CMYA5: variants seen among roughly 807,000 people sequenced by gnomAD.
CMYA5 encodes cardiomyopathy-associated protein 5.
A neutral mutation model predicts 318.9 loss-of-function variants in CMYA5; 246 were observed. That is an observed-to-expected ratio of 0.77 (90% CI 0.70 to 0.86). The LOEUF (loss-of-function observed/expected upper bound fraction) is 0.86. Among genes scored for constraint, CMYA5 ranks in the 40% least tolerant of loss-of-function variants. CMYA5 has a pLI of 0.00. For missense variants in CMYA5, 4,589 were observed against 4,678.2 expected, an observed-to-expected ratio of 0.98 and a Z score of 0.56; for synonymous variants, 1,641 against 1,729.5, an observed-to-expected ratio of 0.95 and a Z score of 1.27.
intron 11 of CMYA5, among the ~76,000 whole-genome samples, chr5:79,793,045 G>T (rs757406869): frequency 6.6e-6 from 1 of 152,176 alleles, no homozygotes; most frequent in African/African-American, 2.4e-5. Flanking sequence ...GCAAGTTTTG[G>T]AAGAAAACTA....
At position 79,799,459 on chromosome 5, in the gene CMYA5, A is replaced by G. The variant is rs1829331678; in HGVS notation, c.12053A>G (p.Gln4018Arg). ...RVGILLDYNN[Q>R]RLIFINAESE... Reference sequence around the variant, plus strand: ...GGCATCCTGCTGGACTACAACAACCAGAGACTTATCTTCATCAACGCAGAG... The same window carrying G: ...GGCATCCTGCTGGACTACAACAACCGGAGACTTATCTTCATCAACGCAGAG... The change falls in exon 13 of 13, where the codon CAG becomes CGG. Residue 4018 changes from glutamine to arginine, a missense_variant. By Grantham distance (43) the Gln-to-Arg change is conservative (BLOSUM62 1). Coordinates refer to ENST00000446378, the MANE Select transcript of CMYA5 (RefSeq NM_153610.5). The G allele has an allele frequency of 1.2e-6, 2 of 1,613,904 alleles. No homozygotes were observed. Among genetic ancestry groups the G allele is most frequent in the Admixed American group, 1.7e-5 (1 of 60,000 alleles).
In CMYA5 at chr5:79,730,192, C is replaced by T; in HGVS notation, c.1427C>T (p.Thr476Ile). 1.2e-6 allele frequency: 2 copies of T among 1,613,966 alleles called. No homozygotes were observed. The highest frequency in any genetic ancestry group is 1.7e-6 in the Non-Finnish European group (2 of 1,179,884). Residue 476 changes from threonine (T) to isoleucine (I), a missense_variant, in exon 2 of 13, where the codon ACC becomes ATC. Physicochemically the swap from Thr to Ile is moderately conservative, Grantham distance 89. Around this residue, in one of 3 missense-constraint regions of CMYA5, gnomAD observed 2,132 missense variants for 2,131.3 expected, o/e 1.00. Coordinates refer to ENST00000446378, the MANE Select transcript of CMYA5 (RefSeq NM_153610.5). ...AEPVSAKLTP[T>I]HPSVKGEKEE... is the part of the protein sequence containing the mutation. ...CCAGTCTCCGCAAAACTGACCCCTA[C>T]CCATCCCAGTGTCAAAGGAGAGAAG...
Position 79,731,262 on chromosome 5 carries a change from C to G in CMYA5, c.2497C>G (p.Leu833Val), listed in dbSNP as rs1827891494. 6.2e-7 allele frequency: 1 copy of G among 1,614,010 alleles called. No individual in the cohort carries two copies. Among genetic ancestry groups the G allele is most frequent in the Non-Finnish European group, 8.5e-7 (1 of 1,179,880 alleles). The change falls in exon 2 of 13, where the codon CTG becomes GTG. Residue 833 changes from leucine to valine, a missense_variant. Transcript: ENST00000446378. ...AAAAGGTATTTCTGAGCACACAGTT[C>G]TGTCAGTAGACGGCAAGGAGGTCAT... Reference protein sequence around the residue: ...KPKGISEHTVLSVDGKEVIGP... With the variant: ...KPKGISEHTVVSVDGKEVIGP...
intron 8 of CMYA5, chr5:79,762,854 G>T: frequency 1.8e-6 from 1 of 553,106 alleles, no homozygotes; most frequent in Non-Finnish European, 3.2e-6. Flanking sequence ...TTGGGGATGG[G>T]TGAGAACTGG....
At position 79,788,991 on chromosome 5, in the gene CMYA5, G is replaced by T. The variant is rs767348471; in HGVS notation, c.11576G>T (p.Gly3859Val). The change falls in exon 10 of 13, where the codon GGA becomes GTA. Residue 3859 changes from glycine to valine, a missense_variant. Around this residue, in one of 3 missense-constraint regions of CMYA5, gnomAD observed 2,431 missense variants for 2,495.1 expected, o/e 0.97. Transcript: ENST00000446378. Reference protein sequence around the residue: ...EGLRSFSGIKGLQLKVNLQPN... With the variant: ...EGLRSFSGIKVLQLKVNLQPN... ...TTTAGATCTTTCTCTGGAATCAAAGGACTCCAGCTGAAAGTTAACCTCCAA... is the reference window on the plus strand; with the variant it reads ...TTTAGATCTTTCTCTGGAATCAAAGTACTCCAGCTGAAAGTTAACCTCCAA... 5.6e-6 allele frequency: 9 copies of T among 1,613,450 alleles called. No individual in the cohort carries two copies. In the African/African-American group the frequency reaches 1.2e-4, roughly 22 times the overall value.
chr5:79,746,254 C>T (rs1480582195), intron 4 of CMYA5, among the ~76,000 whole-genome samples: 1 of 152,184 alleles, frequency 6.6e-6, no homozygotes, highest in Non-Finnish European at 1.5e-5. Flanking sequence ...TCCTCCTACC[C>T]TTTAGAAAAC....
In CMYA5 at chr5:79,731,804, C is replaced by T; in HGVS notation, c.3039C>T (p.Ile1013=). 1 of 1,612,912 alleles carries T rather than the reference C, an allele frequency of 6.2e-7. No homozygotes were observed. The highest frequency in any genetic ancestry group is 1.1e-5 in the South Asian group (1 of 90,760). The part of the protein sequence containing the change: ...ASQVSIPPFR[I]SETEKNELEP... ...AAGTTTCAATCCCTCCCTTTAGAAT[C>T]TCAGAAACAGAGAAAAATGAACTTG... Residue 1013 remains isoleucine (I), a synonymous_variant, in exon 2 of 13, where the codon ATC becomes ATT. Transcript: ENST00000446378.
In CMYA5 at chr5:79,799,870, T is replaced by TCGGC; in HGVS notation, c.*254_*255insCGGC. The TCGGC allele has an allele frequency of 6.3e-6, 1 of 158,428 alleles. No individual in the cohort carries two copies. The highest frequency in any genetic ancestry group is 1.2e-5 in the Non-Finnish European group (1 of 81,250). The allele number at this position is 158,428 out of a possible 1,614,324, so 9.8% of individuals were successfully genotyped here. ...TATAAGTTTGAGTTCTTTCCTAAAT[T>TCGGC]AAAAGATCTACACTTGAGTTGGGAA... On this transcript the variant is annotated 3_prime_UTR_variant, in exon 13 of 13. Transcript: ENST00000446378.
chr5:79,726,330 T>C (rs1409761759), intron 1 of CMYA5, among the ~76,000 whole-genome samples: 1 of 152,202 alleles, frequency 6.6e-6, no homozygotes, highest in Non-Finnish European at 1.5e-5. Flanking sequence ...ATAACCTTAA[T>C]TTTTAATTTC....
chr5:79,726,583 T>C (rs1208475031), intron 1 of CMYA5, among the ~76,000 whole-genome samples: 1 of 152,170 alleles, frequency 6.6e-6, no homozygotes, highest in Non-Finnish European at 1.5e-5. Context: ...ACTCATGGCA[T>C]GTATAGAAAA....
intron 9 of CMYA5, among the ~76,000 whole-genome samples, chr5:79,767,059 T>C (rs902274297): frequency 3.9e-5 from 6 of 152,234 alleles, no homozygotes; most frequent in African/African-American, 1.4e-4. Context: ...CAGGAATTTA[T>C]CCATTTCTTC....
chr5:79,734,948 G>C lies in CMYA5; in HGVS notation c.6183G>C (p.Lys2061Asn), dbSNP rs541603889. The change falls in exon 2 of 13, where the codon AAG becomes AAC. Residue 2061 changes from lysine (K) to asparagine (N), a missense_variant. Around this residue, in one of 3 missense-constraint regions of CMYA5, gnomAD observed 2,431 missense variants for 2,495.1 expected, o/e 0.97. Transcript: ENST00000446378. Reference protein sequence around the residue: ...PVSGLSVEQVKSETISSSVKT... With the variant: ...PVSGLSVEQVNSETISSSVKT... Reference sequence around the variant, plus strand: ...CTGGCCTATCAGTGGAACAGGTGAAGTCAGAAACAATCTCCTCTTCTGTCA... The same window carrying C: ...CTGGCCTATCAGTGGAACAGGTGAACTCAGAAACAATCTCCTCTTCTGTCA... 1 of 1,613,812 alleles carries C rather than the reference G, an allele frequency of 6.2e-7. No homozygotes were observed. Among genetic ancestry groups the C allele is most frequent in the South Asian group, 1.1e-5 (1 of 91,066 alleles).
At chr5:79,706,924 A>G (rs183402252) in intron 1 of CMYA5, among the ~76,000 whole-genome samples, 79 of 152,238 alleles carry the variant, frequency 5.2e-4, no homozygotes, top group African/African-American at 1.8e-3. Context: ...TAGCAATGCT[A>G]TTCTTCAGCC....
rs758517033 is a variant in CMYA5 at position 79,730,395 on chromosome 5, G to C, written c.1630G>C (p.Glu544Gln). ...LDYPESPLVS[E>Q]KPFPPHMSPE... ...TTACCCAGAAAGCCCATTGGTTTCC[G>C]AGAAGCCCTTCCCACCACATATGTC... Residue 544 changes from glutamate (E) to glutamine (Q), a missense_variant, in exon 2 of 13, where the codon GAG becomes CAG. Glu to Gln is a conservative substitution (Grantham distance 29). This residue lies in a region of CMYA5 where 2,132 missense variants were observed against 2,131.3 expected (regional missense o/e 1.00). Coordinates refer to ENST00000446378, the MANE Select transcript of CMYA5 (RefSeq NM_153610.5). The C allele has an allele frequency of 1.2e-6, 2 of 1,613,754 alleles. No individual in the cohort carries two copies. The highest frequency in any genetic ancestry group is 2.2e-5 in the East Asian group (1 of 44,888).
intron 1 of CMYA5, among the ~76,000 whole-genome samples, chr5:79,714,694 C>T (rs1348536009): frequency 6.6e-6 from 1 of 152,134 alleles, no homozygotes; most frequent in African/African-American, 2.4e-5. Context: ...CCTGACTTGG[C>T]CTCCCAAAGT....
intron 9 of CMYA5, among the ~76,000 whole-genome samples, chr5:79,765,246 A>G (rs1828728532): frequency 6.6e-6 from 1 of 152,204 alleles, no homozygotes; most frequent in South Asian, 2.1e-4. Flanking sequence ...TCAATAGGGA[A>G]TCCTTTCCCC....
rs1828001612 is a variant in CMYA5 at position 79,734,417 on chromosome 5, A to T, written c.5652A>T (p.Glu1884Asp). ...ATGTCAAAGAAACAAAAATGGAAGA[A>T]TTCTTTATTTCTCCAAAGGATGAAA... is the stretch of plus-strand genomic sequence containing the variant. ...PADVKETKME[E>D]FFISPKDENW... The change falls in exon 2 of 13, where the codon GAA becomes GAT. Residue 1884 changes from glutamate to aspartate, a missense_variant. By Grantham distance (45) the Glu-to-Asp change is conservative. Coordinates refer to ENST00000446378, the MANE Select transcript of CMYA5 (RefSeq NM_153610.5). 40 of 1,613,762 alleles carry T rather than the reference A, an allele frequency of 2.5e-5. No individual in the cohort carries two copies. In the East Asian group the frequency reaches 8.9e-4, roughly 36 times the overall value.
Position 79,735,639 on chromosome 5 carries a change from A to G in CMYA5, c.6874A>G (p.Lys2292Glu), listed in dbSNP as rs1828043404. 1.9e-6 allele frequency: 3 copies of G among 1,613,584 alleles called. No individual in the cohort carries two copies. Among genetic ancestry groups the G allele is most frequent in the Non-Finnish European group, 2.5e-6 (3 of 1,179,740 alleles). Residue 2292 changes from lysine to glutamate, a missense_variant, in exon 2 of 13, where the codon AAA (lysine) becomes GAA (glutamate). Physicochemically the swap from Lys to Glu is moderately conservative, Grantham distance 56 (BLOSUM62 1). Around this residue, in one of 3 missense-constraint regions of CMYA5, gnomAD observed 2,431 missense variants for 2,495.1 expected, o/e 0.97. Transcript: ENST00000446378. ...GGTGTCTAGGGAAGATTATGGAAAA[A>G]AAGAAATCTCAGGCGATTCAGAGGA... ...SEVSREDYGK[K>E]EISGDSEEMN...
At position 79,731,430 on chromosome 5, in the gene CMYA5, G is replaced by A. The variant is rs773674909; in HGVS notation, c.2665G>A (p.Glu889Lys). The change falls in exon 2 of 13, where the codon GAG (glutamate) becomes AAG (lysine). Residue 889 changes from glutamate to lysine, a missense_variant. By Grantham distance (56) the Glu-to-Lys change is moderately conservative. Around this residue, in one of 3 missense-constraint regions of CMYA5, gnomAD observed 2,132 missense variants for 2,131.3 expected, o/e 1.00. Transcript: ENST00000446378. ...YVVLSDEEAV[E>K]LERYTPSSTS... is the part of the protein sequence containing the mutation. ...TGTTCTATCAGACGAAGAGGCAGTC[G>A]AGTTGGAACGATACACACCCTCTTC... 4.5e-5 allele frequency: 72 copies of A among 1,612,976 alleles called. No homozygotes were observed. The highest frequency in any genetic ancestry group is 5.6e-5 in the Non-Finnish European group (66 of 1,179,526).
Sources: gnomAD v4.1 joint callset for allele counts (sites outside exome capture counted in the v4.1 genomes callset) on GRCh38, gnomAD v4.1.1 for gene constraint, gnomAD v4.1.1 regional missense constraint, MANE v1.5 for transcripts, NCBI Gene and HGNC (gene_info 2026-07-23, HGNC 2026-07-21) for gene names.